Variants in ZCWPW2 observed in about 807,000 individuals in gnomAD.
ZCWPW2 encodes the protein zinc finger CW-type and PWWP domain containing 2.
ZCWPW2 carries 45 observed loss-of-function variants against 46.6 expected under a neutral mutation model. That is an observed-to-expected ratio of 0.96 (90% CI 0.76 to 1.24). The LOEUF (loss-of-function observed/expected upper bound fraction) is 1.24. Ranked by LOEUF, ZCWPW2 falls within the 50% of genes most tolerant of loss-of-function variation. ZCWPW2 has a pLI of 0.00. For synonymous variants in ZCWPW2, 152 were observed against 137.1 expected (o/e 1.11, Z -0.76); for missense variants, 429 against 403.9 (o/e 1.06, Z -0.53).
At chr3:28,388,528 A>C (rs1006278914) in intron 1 of ZCWPW2, among the ~76,000 whole-genome samples, 1 of 152,216 alleles carries the variant, frequency 6.6e-6, no homozygotes, top group Non-Finnish European at 1.5e-5. Context: ...CTGTAACACA[A>C]ATACTTTGAT....
At chr3:28,519,313 T>C (rs1700657708) in intron 8 of ZCWPW2, among the ~76,000 whole-genome samples, 1 of 152,200 alleles carries the variant, frequency 6.6e-6, no homozygotes. Flanking sequence ...CTTATTAGTC[T>C]ATGCCTATTT....
Position 28,514,048 on chromosome 3 carries a change from TG to T in ZCWPW2, c.658-15del. The stretch of plus-strand genomic sequence containing the variant: ...TCCTATATGAACTAACTCATATTTT[TG>T]TTTTTGTGTTATAGAAGCAGACTTC... On this transcript the variant is annotated splice_polypyrimidine_tract_variant and intron_variant, in intron 6 of 9. Transcript: ENST00000383768. The T allele has an allele frequency of 6.7e-7, 1 of 1,491,886 alleles. No homozygotes were observed. The highest frequency in any genetic ancestry group is 9.1e-7 in the Non-Finnish European group (1 of 1,094,402). 92.4% of individuals were successfully genotyped at this position (1,491,886 alleles called of 1,614,324 possible). A position where few individuals can be genotyped will look rare whatever the true frequency, so the allele number is the denominator to read the frequency against.
At chr3:28,427,383 C>T (rs1575120766) in intron 3 of ZCWPW2, among the ~76,000 whole-genome samples, 1 of 152,314 alleles carries the variant, frequency 6.6e-6, no homozygotes, top group South Asian at 2.1e-4. Context: ...ATCATGTTTT[C>T]TACATCTATT....
At chr3:28,490,574 A>T (rs1366168183) in intron 5 of ZCWPW2, among the ~76,000 whole-genome samples, 1 of 152,126 alleles carries the variant, frequency 6.6e-6, no homozygotes, top group East Asian at 1.9e-4. Context: ...AGGAACAGAC[A>T]ATCAAGTGCT....
At chr3:28,384,727 C>G in intron 1 of ZCWPW2, among the ~76,000 whole-genome samples, 1 of 151,848 alleles carries the variant, frequency 6.6e-6, no homozygotes, top group Non-Finnish European at 1.5e-5. Flanking sequence ...ATTCTTCCGC[C>G]TCAGCCTCCT....
intron 4 of ZCWPW2, among the ~76,000 whole-genome samples, chr3:28,465,905 A>G (rs1031360415): frequency 2.6e-5 from 4 of 152,230 alleles, no homozygotes; most frequent in East Asian, 3.8e-4. Context: ...CATTCACAAT[A>G]GCAAATACAT....
rs185888600 is a variant in ZCWPW2 at position 28,416,997 on chromosome 3, T to C, written c.332+3597T>C. The stretch of plus-strand genomic sequence containing the variant: ...ATTCTCTTTTTTTGTTGTGTCTCTG[T>C]CAGGCTTTGGTATCAGGATGATGCT... On this transcript the variant is annotated intron_variant, in intron 3 of 9. Transcript: ENST00000383768. Among the ~76,000 whole-genome samples the C allele has an allele frequency of 1.7e-4, 26 of 151,118 alleles. No homozygotes were observed. The East Asian group carries it at 4.7e-3, about 27-fold the overall frequency.
intron 1 of ZCWPW2, among the ~76,000 whole-genome samples, chr3:28,370,688 T>C (rs2125701636): frequency 6.6e-6 from 1 of 152,272 alleles, no homozygotes; most frequent in Non-Finnish European, 1.5e-5. Flanking sequence ...AGCCATGCAG[T>C]TATAATTCAT....
intron 2 of ZCWPW2, among the ~76,000 whole-genome samples, chr3:28,403,547 T>C (rs1696034388): frequency 6.6e-6 from 1 of 152,032 alleles, no homozygotes; most frequent in African/African-American, 2.4e-5. Flanking sequence ...AAAAAAATTC[T>C]AAAATTTATG....
At chr3:28,375,607 C>A (rs1705476744) in intron 1 of ZCWPW2, among the ~76,000 whole-genome samples, 1 of 152,000 alleles carries the variant, frequency 6.6e-6, no homozygotes, top group Non-Finnish European at 1.5e-5. Flanking sequence ...ATGGGGTATC[C>A]ATCTCAAGCA....
intron 6 of ZCWPW2, among the ~76,000 whole-genome samples, chr3:28,493,025 G>A (rs1265012710): frequency 1.4e-5 from 2 of 143,622 alleles, no homozygotes; most frequent in African/African-American, 2.7e-5. Context: ...CATTTTATGA[G>A]TCCTTCTAAA....
chr3:28,367,669 T>A (rs1280618212), intron 1 of ZCWPW2, among the ~76,000 whole-genome samples: 1 of 152,206 alleles, frequency 6.6e-6, no homozygotes, highest in Non-Finnish European at 1.5e-5. Flanking sequence ...GTCCGCTTGG[T>A]GCAGAGCTGA....
intron 1 of ZCWPW2, among the ~76,000 whole-genome samples, chr3:28,359,275 T>A (rs1029762132): frequency 2.0e-5 from 3 of 151,728 alleles, no homozygotes; most frequent in Non-Finnish European, 3.0e-5. Context: ...AAAATATAAC[T>A]GTTTTTTGAC....
intron 1 of ZCWPW2, among the ~76,000 whole-genome samples, chr3:28,388,097 A>C (rs767479094): frequency 1.3e-5 from 2 of 152,062 alleles, no homozygotes; most frequent in Non-Finnish European, 2.9e-5. Context: ...CTAATGGTAT[A>C]ATTCCTTCTT....
chr3:28,366,212 G>C (rs1329708908), intron 1 of ZCWPW2, among the ~76,000 whole-genome samples: 2 of 132,638 alleles, frequency 1.5e-5, no homozygotes, highest in African/African-American at 5.7e-5. Context: ...GGGGATCCCT[G>C]TCTTGTGCCA....
In ZCWPW2 at chr3:28,524,555, C is replaced by T. The variant is rs1233640829; in HGVS notation, c.938C>T (p.Ala313Val). 1.2e-6 allele frequency: 2 copies of T among 1,605,652 alleles called. No homozygotes were observed. The highest frequency in any genetic ancestry group is 8.5e-7 in the Non-Finnish European group (1 of 1,176,830). The change falls in exon 10 of 10, where the codon GCA becomes GTA. Residue 313 changes from alanine to valine, a missense_variant. Ala to Val is a moderately conservative substitution (Grantham distance 64). Coordinates refer to ENST00000383768, the MANE Select transcript of ZCWPW2 (RefSeq NM_001040432.4). ...KLSKCSPEAPAGSLFENHYEE... is the reference protein window; with the variant it reads ...KLSKCSPEAPVGSLFENHYEE... ...TCTAAATGCAGCCCAGAAGCTCCTG[C>T]AGGCAGTCTGTTTGAAAACCACTAT...
chr3:28,493,271 G>T (rs1250833058), intron 6 of ZCWPW2, among the ~76,000 whole-genome samples: 1 of 136,804 alleles, frequency 7.3e-6, no homozygotes, highest in Non-Finnish European at 1.6e-5. Flanking sequence ...CTAGCATTAG[G>T]TATATCTCCC....
chr3:28,349,080 G>A lies in ZCWPW2; in HGVS notation c.-257G>A, dbSNP rs898320295. Reference sequence around the variant, plus strand: ...AGCTGGGAGGGCGTTAGCGAAGCCAGGTTCGGTCGTGGGGGTGGGGAAGTG... The same window carrying A: ...AGCTGGGAGGGCGTTAGCGAAGCCAAGTTCGGTCGTGGGGGTGGGGAAGTG... On this transcript the variant is annotated 5_prime_UTR_variant, in exon 1 of 10. Coordinates refer to ENST00000383768, the MANE Select transcript of ZCWPW2 (RefSeq NM_001040432.4). 1 of 985,734 alleles carries A rather than the reference G, an allele frequency of 1.0e-6. No homozygotes were observed. The highest frequency in any genetic ancestry group is 1.1e-4 in the East Asian group (1 of 8,794). The allele number at this position is 985,734 out of a possible 1,614,324, so 61.1% of individuals were successfully genotyped here.
At chr3:28,355,203 C>T (rs1704685550) in intron 1 of ZCWPW2, among the ~76,000 whole-genome samples, 1 of 152,206 alleles carries the variant, frequency 6.6e-6, no homozygotes, top group Non-Finnish European at 1.5e-5. Flanking sequence ...TTCTTATACA[C>T]CAATAACAGA....
Sources: gnomAD v4.1 joint callset for allele counts (sites outside exome capture counted in the v4.1 genomes callset) on GRCh38, gnomAD v4.1.1 for gene constraint, MANE v1.5 for transcripts, NCBI Gene and HGNC (gene_info 2026-07-23, HGNC 2026-07-21) for gene names.